Variants in MTCL2 observed in about 807,000 individuals in gnomAD.
The protein encoded by MTCL2 is microtubule cross-linking factor 2.
At chr20:36,815,227 C>G in the MTCL2 span, 6 of 1,613,910 alleles carry the variant, frequency 3.7e-6, no homozygotes, top group East Asian at 2.2e-5. This position sits in a 1 kb window ranked among gnomAD's most constrained non-coding sequence, Gnocchi z 5.3. Flanking sequence ...TGTTCCTTGA[C>G]AGAGCACCCG....
the MTCL2 span, chr20:36,793,369 G>A: frequency 6.4e-7 from 1 of 1,551,756 alleles, no homozygotes; most frequent in Non-Finnish European, 8.7e-7. This position sits in a 1 kb window ranked among gnomAD's most constrained non-coding sequence, Gnocchi z 6.8. Context: ...TCTTGTTCAG[G>A]ATCCTGGCCA....
the MTCL2 span, among the ~76,000 whole-genome samples, chr20:36,851,964 GGT>G: frequency 2.6e-5 from 4 of 152,092 alleles, no homozygotes; most frequent in African/African-American, 4.8e-5. Flanking sequence ...AATGCCCATG[GGT>G]GCTTCAGACC....
chr20:36,852,467 T>A, the MTCL2 span, among the ~76,000 whole-genome samples: 2 of 152,180 alleles, frequency 1.3e-5, no homozygotes, highest in Non-Finnish European at 2.9e-5. Flanking sequence ...CCAGATGAGA[T>A]CATCACACTT....
At chr20:36,796,620 C>T in the MTCL2 span, among the ~76,000 whole-genome samples, 14 of 152,208 alleles carry the variant, frequency 9.2e-5, no homozygotes, top group Non-Finnish European at 1.9e-4. Flanking sequence ...GTTCCATTCC[C>T]GGACTCAAAC....
At chr20:36,830,030 C>T in the MTCL2 span, among the ~76,000 whole-genome samples, 1 of 151,966 alleles carries the variant, frequency 6.6e-6, no homozygotes, top group African/African-American at 2.4e-5. Context: ...AACGGGGTCT[C>T]ACTATGTGGT....
the MTCL2 span, chr20:36,794,498 G>A: frequency 5.6e-5 from 90 of 1,614,064 alleles, no homozygotes; most frequent in African/African-American, 9.5e-4. The surrounding 1 kb of genome is among the most constrained non-coding windows in gnomAD (Gnocchi z 5.4). Flanking sequence ...GCCAAAGGCA[G>A]GGTTGTTAGG....
the MTCL2 span, chr20:36,777,834 C>T: frequency 3.2e-6 from 2 of 623,752 alleles, no homozygotes; most frequent in Non-Finnish European, 5.7e-6. Context: ...GCTTCTGGCT[C>T]TCTTCCCAGC....
At chr20:36,793,532 C>A in the MTCL2 span, 4 of 1,551,670 alleles carry the variant, frequency 2.6e-6, no homozygotes, top group Non-Finnish European at 1.7e-6. This position sits in a 1 kb window ranked among gnomAD's most constrained non-coding sequence, Gnocchi z 6.8. Context: ...GGGCTTGGCC[C>A]GCGTCTCAGA....
the MTCL2 span, among the ~76,000 whole-genome samples, chr20:36,835,291 G>A: frequency 2.0e-5 from 3 of 152,170 alleles, no homozygotes; most frequent in African/African-American, 7.2e-5. Context: ...GACCAGCAGA[G>A]AGGGAGAGCT....
At chr20:36,851,118 T>C in the MTCL2 span, among the ~76,000 whole-genome samples, 1 of 152,162 alleles carries the variant, frequency 6.6e-6, no homozygotes, top group Non-Finnish European at 1.5e-5. Flanking sequence ...TATATCTTGG[T>C]TGTGGTGGTG....
the MTCL2 span, among the ~76,000 whole-genome samples, chr20:36,844,633 T>C: frequency 6.6e-6 from 1 of 151,732 alleles, no homozygotes; most frequent in Admixed American, 6.6e-5. Context: ...GGGGTTCTGT[T>C]GAACTATGAT....
the MTCL2 span, chr20:36,793,742 C>T: frequency 2.3e-5 from 35 of 1,542,338 alleles, no homozygotes; most frequent in Admixed American, 1.4e-4. This position sits in a 1 kb window ranked among gnomAD's most constrained non-coding sequence, Gnocchi z 6.8. Context: ...GGACACAGAC[C>T]GCCTCTGGAG....
the MTCL2 span, chr20:36,803,186 G>A: frequency 1.3e-6 from 2 of 1,490,150 alleles, no homozygotes; most frequent in South Asian, 2.6e-5. Context: ...CCTCCTGGGT[G>A]CCAGCGGGGA....
At chr20:36,778,459 C>G in the MTCL2 span, 4 of 152,304 alleles carry the variant, frequency 2.6e-5, no homozygotes, top group African/African-American at 9.6e-5. Flanking sequence ...AGGTGATATT[C>G]CTGCTGCTGG....
At chr20:36,782,103 G>C in the MTCL2 span, 1 of 152,414 alleles carries the variant, frequency 6.6e-6, no homozygotes, top group Non-Finnish European at 1.5e-5. Context: ...AAAGTGCTGG[G>C]ATTACAGGTG....
chr20:36,805,956 A>G, the MTCL2 span: 1 of 1,597,640 alleles, frequency 6.3e-7, no homozygotes, highest in Admixed American at 1.8e-5. Flanking sequence ...CATGCTGTTC[A>G]CCTGTTTTTT....
chr20:36,852,250 C>T, the MTCL2 span, among the ~76,000 whole-genome samples: 1 of 151,966 alleles, frequency 6.6e-6, no homozygotes, highest in East Asian at 1.9e-4. Flanking sequence ...TCCCTCAGGC[C>T]GAGGCCTGGG....
At chr20:36,795,819 C>T in the MTCL2 span, among the ~76,000 whole-genome samples, 2 of 151,950 alleles carry the variant, frequency 1.3e-5, no homozygotes, top group African/African-American at 2.4e-5. Context: ...ACGCCCAAAC[C>T]GAAGCTAGAG....
the MTCL2 span, among the ~76,000 whole-genome samples, chr20:36,808,034 C>T: frequency 6.6e-6 from 1 of 151,012 alleles, no homozygotes; most frequent in South Asian, 2.1e-4. Context: ...CGCCACCACA[C>T]CTGGCTAATT....
Sources: allele counts gnomAD v4.1 joint callset (sites outside exome capture counted in the v4.1 genomes callset), GRCh38; gene constraint gnomAD v4.1.1; non-coding constraint Gnocchi (gnomAD v3.1); transcripts MANE v1.5; gene names NCBI Gene and HGNC (gene_info 2026-07-23, HGNC 2026-07-21).